Variants in ST3GAL5 observed in about 807,000 individuals in gnomAD.
ST3GAL5 encodes the protein lactosylceramide alpha-2,3-sialyltransferase.
ST3GAL5 carries 25 observed loss-of-function variants against 46.1 expected under a neutral mutation model. The observed-to-expected ratio is 0.54, with a 90% CI of 0.40 to 0.76. The LOEUF (loss-of-function observed/expected upper bound fraction) is 0.76. Among genes scored for constraint, ST3GAL5 ranks in the 30% least tolerant of loss-of-function variants. The pLI, the probability that ST3GAL5 is intolerant of heterozygous loss-of-function variation, is 0.00. For missense variants in ST3GAL5, 431 were observed against 521.2 expected (o/e 0.83, Z 1.69); for synonymous variants, 182 against 192.7 (o/e 0.94, Z 0.46).
chr2:85,846,363 G>T lies in ST3GAL5; in HGVS notation c.849+14C>A, dbSNP rs773953439. On this transcript the variant is annotated intron_variant, in intron 5 of 6. Transcript: ENST00000638572. ...TTTTACTAAGGCAGATTTAATAGAA[G>T]TATTAGTGCTTACCAGGGTTTCCTT... 24 of 1,612,248 alleles carry T rather than the reference G, an allele frequency of 1.5e-5. No individual in the cohort carries two copies. Among genetic ancestry groups the T allele is most frequent in the African/African-American group, 4.0e-5 (3 of 74,900 alleles).
chr2:85,843,597 G>T (rs142580962), intron 6 of ST3GAL5, among the ~76,000 whole-genome samples: 44 of 151,878 alleles, frequency 2.9e-4, no homozygotes, highest in African/African-American at 7.7e-4. Flanking sequence ...CTTTGATTTA[G>T]TAAGAGCTCT....
chr2:85,857,056 CT>C (rs1684192420), intron 3 of ST3GAL5, among the ~76,000 whole-genome samples: 1 of 130,438 alleles, frequency 7.7e-6, no homozygotes, highest in South Asian at 2.5e-4. Flanking sequence ...CGGTAAGACC[CT>C]GCCTCTACCA....
chr2:85,865,112 T>C (rs1343354735), intron 1 of ST3GAL5, among the ~76,000 whole-genome samples: 2 of 152,250 alleles, frequency 1.3e-5, no homozygotes, highest in African/African-American at 4.8e-5. Context: ...TGGTCTATGA[T>C]AGAGGAATAA....
intron 3 of ST3GAL5, chr2:85,853,980 C>A (rs369310773): frequency 3.5e-4 from 53 of 152,242 alleles, no homozygotes; most frequent in African/African-American, 1.3e-3. Flanking sequence ...CAATAAGACA[C>A]CCTCAATTCC....
intron 1 of ST3GAL5, among the ~76,000 whole-genome samples, chr2:85,881,245 C>A (rs1367784007): frequency 6.6e-6 from 1 of 152,176 alleles, no homozygotes; most frequent in Non-Finnish European, 1.5e-5. Flanking sequence ...AAACCTCTTT[C>A]TTGTATAAAT....
chr2:85,860,641 G>GGCTTGA (rs1333294696), intron 3 of ST3GAL5, among the ~76,000 whole-genome samples: 2 of 152,168 alleles, frequency 1.3e-5, no homozygotes, highest in African/African-American at 4.8e-5. Context: ...GGGAGGCCAA[G>GGCTTGA]GCGGGAGGAT....
chr2:85,871,038 C>CTT (rs35268429), intron 1 of ST3GAL5, among the ~76,000 whole-genome samples: 72 of 137,798 alleles, frequency 5.2e-4, no homozygotes, highest in South Asian at 1.6e-3. Context: ...AACCATTTAT[C>CTT]TTTTTTTTTT....
chr2:85,868,574 G>C (rs1206555989), intron 1 of ST3GAL5, among the ~76,000 whole-genome samples: 1 of 150,380 alleles, frequency 6.6e-6, no homozygotes, highest in African/African-American at 2.4e-5. Flanking sequence ...GCCTCCCAAA[G>C]TGCTGGGATT....
At chr2:85,879,268 T>C (rs2104215525) in intron 1 of ST3GAL5, among the ~76,000 whole-genome samples, 1 of 152,170 alleles carries the variant, frequency 6.6e-6, no homozygotes, top group Admixed American at 6.5e-5. Context: ...CAGGACTTGG[T>C]GCCCAAGCCA....
intron 6 of ST3GAL5, among the ~76,000 whole-genome samples, chr2:85,841,113 C>T (rs1003168762): frequency 4.6e-5 from 7 of 151,524 alleles, no homozygotes; most frequent in Non-Finnish European, 1.0e-4. Context: ...GGCCACAGGA[C>T]CTTCCACGGT....
At chr2:85,874,334 T>C (rs1348200101) in intron 1 of ST3GAL5, among the ~76,000 whole-genome samples, 4 of 152,218 alleles carry the variant, frequency 2.6e-5, no homozygotes, top group African/African-American at 9.6e-5. Flanking sequence ...GCACGCACGA[T>C]GGGATTTCTC....
rs1342305479 is a variant in ST3GAL5 at position 85,844,455 on chromosome 2, T to A, written c.949A>T (p.Thr317Ser). ...GAGTACTGAAGGATGTCAAAGGCAG[T>A]CTCTTTGATGATAACTGGATTCAAA... ...RILNPVIIKETAFDILQYSEP... is the reference protein window; with the variant it reads ...RILNPVIIKESAFDILQYSEP... The change falls in exon 6 of 7, where the codon ACT becomes TCT. Residue 317 changes from threonine to serine, a missense_variant. By Grantham distance (58) the Thr-to-Ser change is moderately conservative. Transcript: ENST00000638572. The A allele has an allele frequency of 6.2e-7, 1 of 1,614,202 alleles. No homozygotes were observed. The highest frequency in any genetic ancestry group is 1.7e-5 in the Admixed American group (1 of 60,028).
Position 85,883,116 on chromosome 2 carries a change from G to A in ST3GAL5, c.82+5708C>T, listed in dbSNP as rs139268014. On this transcript the variant is annotated intron_variant, in intron 1 of 6. Coordinates refer to ENST00000638572, the MANE Select transcript of ST3GAL5 (RefSeq NM_003896.4). ...TTGGTTTTGAAATGAGAGGACATGAGATTTGGAGGGGCCAGGGGAGGAATG... is the reference window on the plus strand; with the variant it reads ...TTGGTTTTGAAATGAGAGGACATGAAATTTGGAGGGGCCAGGGGAGGAATG... Among the ~76,000 whole-genome samples, 1,408 of 152,272 alleles carry A rather than the reference G, an allele frequency of 9.2e-3. 24 individuals carry two copies. Among genetic ancestry groups the A allele is most frequent in the African/African-American group, 0.033 (1,350 of 41,536 alleles).
chr2:85,852,840 C>T (rs930165673), intron 3 of ST3GAL5: 21 of 1,294,298 alleles, frequency 1.6e-5, no homozygotes, highest in Non-Finnish European at 2.0e-5. Context: ...CTCCCTAGGT[C>T]GAGGCTTCAG....
intron 4 of ST3GAL5, chr2:85,846,895 T>C: frequency 4.2e-6 from 1 of 240,510 alleles, no homozygotes; most frequent in Non-Finnish European, 8.1e-6. Context: ...TGCTCAGATG[T>C]TAGTTCTTGC....
intron 1 of ST3GAL5, among the ~76,000 whole-genome samples, chr2:85,879,185 G>A (rs1686893515): frequency 6.6e-6 from 1 of 152,062 alleles, no homozygotes; most frequent in African/African-American, 2.4e-5. Flanking sequence ...AGTGAGGGGT[G>A]ACGGAGGAGC....
chr2:85,874,696 C>G (rs568131352), intron 1 of ST3GAL5, among the ~76,000 whole-genome samples: 1 of 151,896 alleles, frequency 6.6e-6, no homozygotes, highest in Admixed American at 6.6e-5. Flanking sequence ...CCATTTTGTT[C>G]GCTGCTGTAA....
chr2:85,864,669 T>C (rs575561474), intron 1 of ST3GAL5, among the ~76,000 whole-genome samples: 1 of 152,346 alleles, frequency 6.6e-6, no homozygotes, highest in East Asian at 1.9e-4. Flanking sequence ...ATTTATTCTT[T>C]TGAAATAATT....
rs181929824 is a variant in ST3GAL5, at chr2:85,841,355, A to G, written c.1009-963T>C. On this transcript the variant is annotated intron_variant, in intron 6 of 6. Coordinates refer to ENST00000638572, the MANE Select transcript of ST3GAL5 (RefSeq NM_003896.4). ...ATTTTGTTTTTTTTTTTGAGACAGC[A>G]TCGGTCTCACTCTGTTGCCCAGGTT... Among the ~76,000 whole-genome samples, 578 of 151,434 alleles carry G rather than the reference A, an allele frequency of 3.8e-3. 2 individuals carry two copies. The highest frequency in any genetic ancestry group is 0.013 in the African/African-American group (535 of 41,224).
Sources: gnomAD v4.1 joint callset for allele counts (sites outside exome capture counted in the v4.1 genomes callset) on GRCh38, gnomAD v4.1.1 for gene constraint, MANE v1.5 for transcripts, NCBI Gene and HGNC (gene_info 2026-07-23, HGNC 2026-07-21) for gene names.